Variants in CRIM1 observed in about 807,000 individuals in gnomAD.
The protein encoded by CRIM1 is cysteine-rich motor neuron 1 protein.
CRIM1 carries 32 observed loss-of-function variants against 116.4 expected under a neutral mutation model. That is an observed-to-expected ratio of 0.27 (90% CI 0.21 to 0.37). The LOEUF is 0.37. Among genes scored for constraint, CRIM1 ranks in the 10% least tolerant of loss-of-function variants. The probability of loss-of-function intolerance (pLI) is 1.00; values close to 1 mark genes in which losing one functional copy is unlikely to be tolerated. For missense variants in CRIM1, 1,331 were observed against 1,354.8 expected (o/e 0.98, Z 0.28); for synonymous variants, 590 against 509.2 (o/e 1.16, Z -2.13).
intron 1 of CRIM1, among the ~76,000 whole-genome samples, chr2:36,376,013 C>T (rs961257557): frequency 4.6e-5 from 7 of 152,122 alleles, no homozygotes; most frequent in Admixed American, 3.9e-4. Context: ...GAAATTGTGT[C>T]TCCAGGATGA....
chr2:36,356,241 C>G lies in CRIM1; in HGVS notation c.-52C>G, dbSNP rs1447013930. 8 of 1,142,212 alleles carry G rather than the reference C, an allele frequency of 7.0e-6. No homozygotes were observed. Among genetic ancestry groups the G allele is most frequent in the Non-Finnish European group, 8.1e-6 (7 of 863,962 alleles). The allele number at this position is 1,142,212 out of a possible 1,614,324, so 70.8% of individuals were successfully genotyped here. A position where few individuals can be genotyped will look rare whatever the true frequency, so the allele number is the denominator to read the frequency against. ...GTGTGCCCCGCGCAGGGGAGGGCGC[C>G]CGCCCCGCTCCCGGCCCGGCTGCGA... is the stretch of plus-strand genomic sequence containing the variant. On this transcript the variant is annotated 5_prime_UTR_variant, in exon 1 of 17. Transcript: ENST00000280527. The surrounding 1 kb of genome is among the most constrained non-coding windows in gnomAD (Gnocchi z 4.3).
rs556295261 is a variant in CRIM1 at position 36,504,772 on chromosome 2, C to T, written c.1502-5211C>T. ...TTAACCAGTGTCTTTTGCTAATAGACGTAATATACCTGCTTACTACATAAA... is the reference window on the plus strand; with the variant it reads ...TTAACCAGTGTCTTTTGCTAATAGATGTAATATACCTGCTTACTACATAAA... On this transcript the variant is annotated intron_variant, in intron 8 of 16. Transcript: ENST00000280527. Among the ~76,000 whole-genome samples the T allele has an allele frequency of 3.3e-3, 504 of 152,262 alleles. 1 individual carries two copies. The highest frequency in any genetic ancestry group is 6.4e-3 in the South Asian group (31 of 4,824).
Position 36,479,682 on chromosome 2 carries a change from C to T in CRIM1, c.1360C>T (p.Pro454Ser), listed in dbSNP as rs766187610. 6.2e-7 allele frequency: 1 copy of T among 1,614,060 alleles called. No individual in the cohort carries two copies. Among genetic ancestry groups the T allele is most frequent in the Non-Finnish European group, 8.5e-7 (1 of 1,179,954 alleles). Residue 454 changes from proline to serine, a missense_variant, in exon 7 of 17, where the codon CCT (proline) becomes TCT (serine). Pro to Ser is a moderately conservative substitution (Grantham distance 74). Around this residue, in one of 3 missense-constraint regions of CRIM1, gnomAD observed 690 missense variants for 676.0 expected, o/e 1.02. Transcript: ENST00000280527. ...TGTGAAAGTGCCTGGGGAGTGTTGCCCTGTGTGCGAAGGTAAATCTTGCAG... is the reference window on the plus strand; with the variant it reads ...TGTGAAAGTGCCTGGGGAGTGTTGCTCTGTGTGCGAAGGTAAATCTTGCAG... ...NPVKVPGECC[P>S]VCEEPTIITV...
At chr2:36,379,000 A>T (rs1273633626) in intron 1 of CRIM1, 1 of 152,210 alleles carries the variant, frequency 6.6e-6, no homozygotes, top group Non-Finnish European at 1.5e-5. Context: ...CAACAGTAGT[A>T]AAAATCCTTT....
intron 7 of CRIM1, among the ~76,000 whole-genome samples, chr2:36,481,887 C>T (rs1406849547): frequency 6.6e-6 from 1 of 152,178 alleles, no homozygotes; most frequent in East Asian, 1.9e-4. Context: ...GCTTTTGGCT[C>T]TGTTGAGGAG....
intron 1 of CRIM1, among the ~76,000 whole-genome samples, chr2:36,373,350 T>G (rs1265853280): frequency 2.0e-5 from 3 of 152,150 alleles, no homozygotes; most frequent in Non-Finnish European, 4.4e-5. Context: ...AAAATAGACT[T>G]CCTGGAAGGA....
intron 6 of CRIM1, among the ~76,000 whole-genome samples, chr2:36,477,967 G>T (rs1467287926): frequency 6.6e-6 from 1 of 152,152 alleles, no homozygotes; most frequent in East Asian, 1.9e-4. Flanking sequence ...GGTCTTGTGA[G>T]CCTTCCTGTC....
chr2:36,363,516 A>C (rs575294818), intron 1 of CRIM1, among the ~76,000 whole-genome samples: 1 of 137,922 alleles, frequency 7.3e-6, no homozygotes, highest in African/African-American at 2.7e-5. Flanking sequence ...TACTGAATTC[A>C]GCAGTCGTCG....
chr2:36,436,505 G>C (rs796518426), intron 2 of CRIM1, among the ~76,000 whole-genome samples: 20 of 152,306 alleles, frequency 1.3e-4, no homozygotes, highest in African/African-American at 4.8e-4. Flanking sequence ...GTAAGTGCTG[G>C]AAATTTGAAG....
intron 1 of CRIM1, among the ~76,000 whole-genome samples, chr2:36,395,382 A>C (rs1454188027): frequency 6.6e-6 from 1 of 152,206 alleles, no homozygotes; most frequent in Non-Finnish European, 1.5e-5. Flanking sequence ...CAGGTACTTT[A>C]AAAAATTCTC....
chr2:36,453,027 C>G (rs1316679392), intron 4 of CRIM1, among the ~76,000 whole-genome samples: 2 of 152,198 alleles, frequency 1.3e-5, no homozygotes, highest in Admixed American at 1.3e-4. Flanking sequence ...ACTTGCATAG[C>G]TAATAAGCAA....
intron 2 of CRIM1, among the ~76,000 whole-genome samples, chr2:36,422,294 GTCT>G (rs1674126824): frequency 1.3e-5 from 2 of 152,050 alleles, no homozygotes; most frequent in African/African-American, 4.8e-5. Context: ...GTAGCACTCA[GTCT>G]TTAATTTGAA....
chr2:36,398,207 A>C (rs1390597362), intron 2 of CRIM1, among the ~76,000 whole-genome samples: 1 of 152,148 alleles, frequency 6.6e-6, no homozygotes, highest in Admixed American at 6.5e-5. Flanking sequence ...ACTTTTTGCT[A>C]TTCTTACATT....
At chr2:36,539,190 G>C (rs919009398) in intron 14 of CRIM1, among the ~76,000 whole-genome samples, 1 of 152,116 alleles carries the variant, frequency 6.6e-6, no homozygotes, top group African/African-American at 2.4e-5. Context: ...ATGTAGAATG[G>C]TCAGGGAGCA....
At chr2:36,465,440 A>T (rs1033829879) in intron 5 of CRIM1, among the ~76,000 whole-genome samples, 1 of 152,254 alleles carries the variant, frequency 6.6e-6, no homozygotes, top group African/African-American at 2.4e-5. Flanking sequence ...ATACTTGTAT[A>T]CACAGGAAGA....
At chr2:36,375,153 T>C (rs778701469) in intron 1 of CRIM1, among the ~76,000 whole-genome samples, 3 of 152,230 alleles carry the variant, frequency 2.0e-5, no homozygotes, top group Non-Finnish European at 4.4e-5. Flanking sequence ...ATATGCCATA[T>C]GCTGTTGTTT....
intron 2 of CRIM1, among the ~76,000 whole-genome samples, chr2:36,401,550 A>C (rs1268955613): frequency 6.6e-6 from 1 of 152,196 alleles, no homozygotes; most frequent in Non-Finnish European, 1.5e-5. Flanking sequence ...AAGCAGTGCC[A>C]GCCTCTATAG....
At chr2:36,397,762 A>G (rs562420476) in intron 2 of CRIM1, among the ~76,000 whole-genome samples, 1 of 152,314 alleles carries the variant, frequency 6.6e-6, no homozygotes, top group East Asian at 1.9e-4. Flanking sequence ...AGTAGCCTAC[A>G]AAATAACATT....
chr2:36,403,940 G>T (rs1672599691), intron 2 of CRIM1, among the ~76,000 whole-genome samples: 1 of 152,166 alleles, frequency 6.6e-6, no homozygotes, highest in Non-Finnish European at 1.5e-5. Flanking sequence ...CTCTGAGGGA[G>T]ACTGTGGTGT....
Sources: allele counts gnomAD v4.1 joint callset (sites outside exome capture counted in the v4.1 genomes callset), GRCh38; gene constraint gnomAD v4.1.1; regional missense constraint gnomAD v4.1.1; non-coding constraint Gnocchi (gnomAD v3.1); transcripts MANE v1.5; gene names NCBI Gene and HGNC (gene_info 2026-07-23, HGNC 2026-07-21).